Variants in SORCS2 observed in about 807,000 individuals in gnomAD.
SORCS2 encodes the protein sortilin related VPS10 domain containing receptor 2.
Under a neutral mutation model 141.6 loss-of-function variants are expected in SORCS2, and 100 were observed. That is an observed-to-expected ratio of 0.71 (90% CI 0.60 to 0.83). The LOEUF (loss-of-function observed/expected upper bound fraction) is 0.83, where lower values mean the gene tolerates loss of function less well. SORCS2 is among the 40% of genes least tolerant of loss of function. The pLI is 0.00. For synonymous variants in SORCS2, 789 were observed against 676.9 expected (o/e 1.17, Z -2.57); for missense variants, 1,646 against 1,560.2 (o/e 1.05, Z -0.93).
rs555368698 is a variant in SORCS2 at position 7,523,873 on chromosome 4, C to G, written c.549-7657C>G. On this transcript the variant is annotated intron_variant, in intron 2 of 26. Coordinates refer to ENST00000507866, the MANE Select transcript of SORCS2 (RefSeq NM_020777.3). ...AACTCCTACCATGCCCTCCAGTGGT[C>G]CCAGCAAGAGGCCCCCTCCCTCCTT... 6.6e-5 allele frequency among the ~76,000 whole-genome samples: 10 copies of G among 152,290 alleles called. No homozygotes were observed. In the South Asian group the frequency reaches 2.1e-3, roughly 32 times the overall value.
chr4:7,272,089 G>A (rs547604950), intron 1 of SORCS2, among the ~76,000 whole-genome samples: 15 of 152,296 alleles, frequency 9.8e-5, no homozygotes, highest in East Asian at 5.8e-4. Flanking sequence ...TTGAGGACTC[G>A]TGAGACTCAT....
chr4:7,338,238 A>AGGATGGAT lies in SORCS2; in HGVS notation c.481-58032_481-58025dup, dbSNP rs149832865. On this transcript the variant is annotated intron_variant, in intron 1 of 26. Transcript: ENST00000507866. The stretch of plus-strand genomic sequence containing the variant: ...GATGGATGGATGGATGTCGGATGGA[A>AGGATGGAT]GGATGGATGGATGGATGGATGGATG... Among the ~76,000 whole-genome samples, 59 of 142,702 alleles carry AGGATGGAT rather than the reference A, an allele frequency of 4.1e-4. 1 individual carries two copies. In the South Asian group the frequency reaches 0.011, roughly 27 times the overall value. 93.6% of individuals were successfully genotyped at this position (142,702 alleles called of 152,430 possible).
rs776001064 is a variant in SORCS2, at chr4:7,640,195, TGTGA to T, written c.813+1707_813+1710del. ...GGGTGAGTGTGAGAGCCTATGTGAG[TGTGA>T]GTGTGTACATGTATGGGTGTGTATG... On this transcript the variant is annotated intron_variant, in intron 4 of 26. Transcript: ENST00000507866. Among the ~76,000 whole-genome samples, 228 of 146,560 alleles carry T rather than the reference TGTGA, an allele frequency of 1.6e-3. 1 individual carries two copies. The highest frequency in any genetic ancestry group is 5.3e-3 in the African/African-American group (209 of 39,250).
chr4:7,244,336 G>C (rs925996349), intron 1 of SORCS2, among the ~76,000 whole-genome samples: 1 of 152,224 alleles, frequency 6.6e-6, no homozygotes, highest in Non-Finnish European at 1.5e-5. Context: ...TCATTCCGAA[G>C]ATTCATGGGT....
rs183334995 is a variant in SORCS2, at chr4:7,412,288, T to G, written c.548+15933T>G. Reference sequence around the variant, plus strand: ...CAGGCCGATGGCCACCCCCTGGAGTTAGTTCTCAGGGAAAAAGCAAACTGG... The same window carrying G: ...CAGGCCGATGGCCACCCCCTGGAGTGAGTTCTCAGGGAAAAAGCAAACTGG... On this transcript the variant is annotated intron_variant, in intron 2 of 26. Coordinates refer to ENST00000507866, the MANE Select transcript of SORCS2 (RefSeq NM_020777.3). Among the ~76,000 whole-genome samples, 289 of 152,300 alleles carry G rather than the reference T, an allele frequency of 1.9e-3. 1 individual carries two copies. Among genetic ancestry groups the G allele is most frequent in the Non-Finnish European group, 3.3e-3 (222 of 68,026 alleles).
At chr4:7,501,094 G>C (rs563063068) in intron 2 of SORCS2, among the ~76,000 whole-genome samples, 3 of 152,242 alleles carry the variant, frequency 2.0e-5, no homozygotes, top group Admixed American at 1.3e-4. Flanking sequence ...TTTTTCTCAG[G>C]GTGCTGACCT....
At chr4:7,221,392 G>A (rs1728698095) in intron 1 of SORCS2, among the ~76,000 whole-genome samples, 1 of 152,212 alleles carries the variant, frequency 6.6e-6, no homozygotes, top group African/African-American at 2.4e-5. Context: ...ATGTCCCCAG[G>A]TGAGCCTTTT....
intron 1 of SORCS2, among the ~76,000 whole-genome samples, chr4:7,338,238 AGGAT>A (rs149832865): frequency 3.4e-3 from 484 of 142,698 alleles, no homozygotes; most frequent in Middle Eastern, 0.02. Flanking sequence ...GTCGGATGGA[AGGAT>A]GGATGGATGG....
rs1712920983 is a variant in SORCS2, at chr4:7,543,675, T to TCCAC, written c.648+12050_648+12053dup. ...ATCCATCCACCCACCCATCCATCCA[T>TCCAC]CCACCCATCCACCCATCCACCCATC... On this transcript the variant is annotated intron_variant, in intron 3 of 26. Transcript: ENST00000507866. Among the ~76,000 whole-genome samples, 5 of 73,036 alleles carry TCCAC rather than the reference T, an allele frequency of 6.8e-5. No individual in the cohort carries two copies. In the East Asian group the frequency reaches 2.1e-3, roughly 31 times the overall value. 47.9% of individuals were successfully genotyped at this position (73,036 alleles called of 152,430 possible).
At chr4:7,594,295 G>A (rs1717116780) in intron 3 of SORCS2, among the ~76,000 whole-genome samples, 1 of 152,188 alleles carries the variant, frequency 6.6e-6, no homozygotes, top group Admixed American at 6.5e-5. Flanking sequence ...CACCTGCCAC[G>A]GTGTGTGCCA....
chr4:7,193,222 T>C lies in SORCS2; in HGVS notation c.480+96T>C. On this transcript the variant is annotated intron_variant, in intron 1 of 26. Coordinates refer to ENST00000507866, the MANE Select transcript of SORCS2 (RefSeq NM_020777.3). This position sits in a 1 kb window ranked among gnomAD's most constrained non-coding sequence, Gnocchi z 4.8. The stretch of plus-strand genomic sequence containing the variant: ...CGGCCCCCACCCCAGATCCCCACTA[T>C]GGTCATCAGGGGCGGGTTCTTGGCG... 1.5e-6 allele frequency: 2 copies of C among 1,299,740 alleles called. 1 individual carries two copies. The highest frequency in any genetic ancestry group is 4.3e-5 in the South Asian group (2 of 45,988). 80.5% of individuals were successfully genotyped at this position (1,299,740 alleles called of 1,614,324 possible).
chr4:7,459,409 G>T (rs1729144140), intron 2 of SORCS2, among the ~76,000 whole-genome samples: 1 of 152,164 alleles, frequency 6.6e-6, no homozygotes, highest in Admixed American at 6.5e-5. Flanking sequence ...GAGCCCAGCT[G>T]CTGAGTTTGA....
chr4:7,342,692 G>A (rs1397682440), intron 1 of SORCS2, among the ~76,000 whole-genome samples: 2 of 152,152 alleles, frequency 1.3e-5, no homozygotes, highest in East Asian at 1.9e-4. Flanking sequence ...CAGGACTTCC[G>A]AGGCCAGGGT....
intron 2 of SORCS2, among the ~76,000 whole-genome samples, chr4:7,488,338 GACAA>G (rs1382754949): frequency 6.6e-6 from 1 of 152,222 alleles, no homozygotes; most frequent in Non-Finnish European, 1.5e-5. Context: ...TCCTGCTCCT[GACAA>G]ACAGAGGACT....
intron 10 of SORCS2, among the ~76,000 whole-genome samples, chr4:7,686,307 C>T (rs1478781236): frequency 6.6e-6 from 1 of 152,250 alleles, no homozygotes; most frequent in East Asian, 1.9e-4. Context: ...GGTCACTCTT[C>T]TAAGGCGTGA....
At chr4:7,484,219 G>A (rs1422703719) in intron 2 of SORCS2, among the ~76,000 whole-genome samples, 1 of 152,304 alleles carries the variant, frequency 6.6e-6, no homozygotes, top group Non-Finnish European at 1.5e-5. Flanking sequence ...CCGGCAGATC[G>A]CCGCTGAGTC....
At chr4:7,242,896 T>G (rs1030996122) in intron 1 of SORCS2, among the ~76,000 whole-genome samples, 2 of 152,214 alleles carry the variant, frequency 1.3e-5, no homozygotes, top group African/African-American at 4.8e-5. Context: ...TCACAATCGC[T>G]TGGCCCAGGG....
At chr4:7,301,508 G>A (rs1717427018) in intron 1 of SORCS2, among the ~76,000 whole-genome samples, 1 of 152,192 alleles carries the variant, frequency 6.6e-6, no homozygotes, top group Admixed American at 6.5e-5. Context: ...CAGCGCTCAG[G>A]CGCTGGGCTG....
intron 1 of SORCS2, among the ~76,000 whole-genome samples, chr4:7,252,818 A>G (rs1330461412): frequency 2.0e-5 from 3 of 152,224 alleles, no homozygotes; most frequent in Admixed American, 2.0e-4. Flanking sequence ...AAAATCTCCA[A>G]CCAGCCTGGT....
Sources: allele counts gnomAD v4.1 joint callset (sites outside exome capture counted in the v4.1 genomes callset), GRCh38; gene constraint gnomAD v4.1.1; non-coding constraint Gnocchi (gnomAD v3.1); transcripts MANE v1.5; gene names NCBI Gene and HGNC (gene_info 2026-07-23, HGNC 2026-07-21).